RAD51B: variants seen among roughly 807,000 people sequenced by gnomAD.
RAD51B encodes the protein DNA repair protein RAD51 homolog 2.
In RAD51B, 38 loss-of-function variants were observed where a neutral mutation model predicts 42.2. That is an observed-to-expected ratio of 0.90 (90% CI 0.70 to 1.18). The LOEUF (loss-of-function observed/expected upper bound fraction) is 1.18, where lower values mean the gene tolerates loss of function less well. RAD51B is among the 50% of genes most tolerant of loss of function. The probability of loss-of-function intolerance (pLI) is 0.00; values close to 1 mark genes in which losing one functional copy is unlikely to be tolerated. For synonymous variants in RAD51B, 154 were observed against 145.2 expected, an observed-to-expected ratio of 1.06 and a Z score of -0.43; for missense variants, 373 against 400.7, an observed-to-expected ratio of 0.93 and a Z score of 0.59.
chr14:68,173,880 C>T lies in RAD51B; in HGVS notation c.757-118004C>T, dbSNP rs1231627143. On this transcript the variant is annotated intron_variant, in intron 7 of 10. Coordinates refer to ENST00000471583, the MANE Select transcript of RAD51B (RefSeq NM_133510.4). The stretch of plus-strand genomic sequence containing the variant: ...CCTATGTAGGTCATTATATTAACAT[C>T]TGTGGCCACATATTGGTCCATGAAA... Among the ~76,000 whole-genome samples, 4 of 152,312 alleles carry T rather than the reference C, an allele frequency of 2.6e-5. No individual in the cohort carries two copies. In the East Asian group the frequency reaches 7.7e-4, roughly 29 times the overall value.
At chr14:68,644,762 T>A (rs563954180) in intron 10 of RAD51B, among the ~76,000 whole-genome samples, 17 of 152,240 alleles carry the variant, frequency 1.1e-4, no homozygotes, top group Non-Finnish European at 1.5e-4. Flanking sequence ...CTTTTTTTTT[T>A]AATTAACTTC....
intron 7 of RAD51B, among the ~76,000 whole-genome samples, chr14:67,939,426 T>G (rs1474770816): frequency 6.6e-6 from 1 of 152,160 alleles, no homozygotes; most frequent in Non-Finnish European, 1.5e-5. Context: ...GTGAAATGCT[T>G]GATTCCTTTT....
intron 7 of RAD51B, among the ~76,000 whole-genome samples, chr14:67,921,974 C>G (rs972371510): frequency 6.6e-6 from 1 of 152,158 alleles, no homozygotes. Context: ...CCAGGATAGG[C>G]TTTGCTTTCA....
rs60173412 is a variant in RAD51B, at chr14:68,610,843, A to ATGTGTGTGTGTGTGTG, written c.1037-135_1037-120dup. 2.1e-3 allele frequency among the ~76,000 whole-genome samples: 309 copies of ATGTGTGTGTGTGTGTG among 144,982 alleles called. 2 individuals carry two copies. The highest frequency in any genetic ancestry group is 7.9e-3 in the Admixed American group (115 of 14,546). On this transcript the variant is annotated intron_variant, in intron 10 of 10. Coordinates refer to the RAD51B transcript ENST00000487861. ...CTATTATAACCACATCTGAATGTAT[A>ATGTGTGTGTGTGTGTG]TGTGTGTGTGTGTGTGTGTGTGTGT...
intron 7 of RAD51B, among the ~76,000 whole-genome samples, chr14:68,084,788 A>G (rs994117050): frequency 6.6e-6 from 1 of 152,154 alleles, no homozygotes; most frequent in African/African-American, 2.4e-5. Context: ...CCCCTGCTAT[A>G]TATATGCCTG....
intron 7 of RAD51B, among the ~76,000 whole-genome samples, chr14:68,193,587 G>T (rs1401583391): frequency 6.6e-6 from 1 of 152,182 alleles, no homozygotes; most frequent in Non-Finnish European, 1.5e-5. Flanking sequence ...TCTCTTTAAA[G>T]TAGTCAGTAT....
At chr14:68,462,163 G>A (rs1430089611) in intron 9 of RAD51B, among the ~76,000 whole-genome samples, 1 of 152,208 alleles carries the variant, frequency 6.6e-6, no homozygotes, top group Non-Finnish European at 1.5e-5. Flanking sequence ...CATTTACAGA[G>A]TGTAAATTGA....
chr14:68,468,780 T>C (rs2086049320), intron 10 of RAD51B, among the ~76,000 whole-genome samples: 1 of 152,206 alleles, frequency 6.6e-6, no homozygotes, highest in African/African-American at 2.4e-5. Flanking sequence ...GGACCAGACC[T>C]TTAGGACCTG....
chr14:68,141,166 C>T (rs1165741884), intron 7 of RAD51B, among the ~76,000 whole-genome samples: 2 of 152,064 alleles, frequency 1.3e-5, no homozygotes, highest in Non-Finnish European at 2.9e-5. Flanking sequence ...AGAACAGTGC[C>T]ACTCTTCTCA....
chr14:68,167,919 T>G (rs2078786210), intron 7 of RAD51B, among the ~76,000 whole-genome samples: 1 of 152,184 alleles, frequency 6.6e-6, no homozygotes, highest in African/African-American at 2.4e-5. Context: ...TACTTTAACT[T>G]TATCTCTAAA....
chr14:67,970,462 T>C (rs2074873800), intron 7 of RAD51B, among the ~76,000 whole-genome samples: 1 of 152,094 alleles, frequency 6.6e-6, no homozygotes, highest in Non-Finnish European at 1.5e-5. Context: ...TTTAGTCATC[T>C]GCTTTTATAA....
intron 7 of RAD51B, among the ~76,000 whole-genome samples, chr14:68,269,964 C>CA (rs1181067855): frequency 6.6e-6 from 1 of 152,150 alleles, no homozygotes; most frequent in Non-Finnish European, 1.5e-5. Context: ...TGCACAACTG[C>CA]CAATTGGAAA....
chr14:68,265,578 C>T (rs1475271757), intron 7 of RAD51B, among the ~76,000 whole-genome samples: 2 of 125,398 alleles, frequency 1.6e-5, no homozygotes, highest in Non-Finnish European at 3.1e-5. Flanking sequence ...GGTAAAACCC[C>T]ATTTCTACTA....
At chr14:68,422,211 G>T in intron 9 of RAD51B, 1 of 1,023,196 alleles carries the variant, frequency 9.8e-7, no homozygotes, top group Non-Finnish European at 1.6e-6. Context: ...AATAGTACAC[G>T]GTTTTCCTCA....
intron 7 of RAD51B, among the ~76,000 whole-genome samples, chr14:68,183,489 T>A (rs2079094312): frequency 6.6e-6 from 1 of 152,170 alleles, no homozygotes; most frequent in African/African-American, 2.4e-5. Flanking sequence ...GACTCAAATG[T>A]TTAACTTTTT....
intron 10 of RAD51B, chr14:68,497,623 T>A: frequency 1.3e-6 from 1 of 747,426 alleles, no homozygotes; most frequent in Non-Finnish European, 1.7e-6. Context: ...CATCTCTGTC[T>A]AGTTCCAAAT....
At chr14:68,039,484 G>A (rs796755834) in intron 7 of RAD51B, among the ~76,000 whole-genome samples, 24 of 148,848 alleles carry the variant, frequency 1.6e-4, no homozygotes, top group African/African-American at 6.0e-4. Context: ...ACTATGAATA[G>A]CACCAAAAAC....
At chr14:68,433,600 G>A (rs1422289120) in intron 9 of RAD51B, among the ~76,000 whole-genome samples, 1 of 152,134 alleles carries the variant, frequency 6.6e-6, no homozygotes, top group Non-Finnish European at 1.5e-5. Flanking sequence ...AGCTCCATCA[G>A]GTCATTTAAG....
chr14:67,893,507 C>A (rs1184174701), intron 7 of RAD51B, among the ~76,000 whole-genome samples: 35,007 of 72,000 alleles, frequency 0.49, 6,437 homozygotes, highest in Middle Eastern at 0.58. Flanking sequence ...CACACACACA[C>A]ACAAAAAAAA....
Sources: allele counts gnomAD v4.1 joint callset (sites outside exome capture counted in the v4.1 genomes callset), GRCh38; gene constraint gnomAD v4.1.1; transcripts MANE v1.5; gene names NCBI Gene and HGNC (gene_info 2026-07-23, HGNC 2026-07-21).